Variants in GCNT4 observed in about 807,000 individuals in gnomAD.
GCNT4 encodes the protein beta-1,3-galactosyl-O-glycosyl-glycoprotein beta-1,6-N-acetylglucosaminyltransferase 4.
In GCNT4, 17 loss-of-function variants were observed where a neutral mutation model predicts 31.3. That is an observed-to-expected ratio of 0.54 (90% confidence interval 0.37 to 0.81). The LOEUF is 0.81. Among genes scored for constraint, GCNT4 ranks in the 40% least tolerant of loss-of-function variants. The pLI, the probability that GCNT4 is intolerant of heterozygous loss-of-function variation, is 0.00. For missense variants in GCNT4, 503 were observed against 525.5 expected (o/e 0.96, Z 0.42); for synonymous variants, 158 against 190.6 (o/e 0.83, Z 1.41).
At chr5:75,020,581 G>A (rs1383003273), downstream of GCNT4, among the ~76,000 whole-genome samples, 4 of 152,164 alleles carry the variant, frequency 2.6e-5, no homozygotes, top group South Asian at 2.1e-4. Flanking sequence ...ACAGCCCCCC[G>A]AGTGTTCTTT....
downstream of GCNT4, among the ~76,000 whole-genome samples, chr5:75,020,608 C>T (rs76884194): frequency 1.2e-3 from 189 of 152,154 alleles, 3 homozygotes; most frequent in East Asian, 0.03. Context: ...TTCGCCCATC[C>T]ACCCACTTGC....
At position 75,026,009 on chromosome 5, in the gene GCNT4, G is replaced by T. The variant is rs889114425; in HGVS notation, c.*2667C>A. 7 of 152,174 alleles carry T rather than the reference G, an allele frequency of 4.6e-5. No individual in the cohort carries two copies. The East Asian group carries it at 1.3e-3, about 29-fold the overall frequency. 9.4% of individuals were successfully genotyped at this position (152,174 alleles called of 1,614,324 possible). The stretch of plus-strand genomic sequence containing the variant: ...TTTTAGGGAAGAATCAGATATGAAG[G>T]CGTACAGGAAATCTGTAGGATTTCC... On this transcript the variant is annotated 3_prime_UTR_variant, in exon 4 of 4. Coordinates refer to ENST00000652361, the MANE Select transcript of GCNT4 (RefSeq NM_001366737.1).
At chr5:75,031,725 T>C (rs949834521) in intron 3 of GCNT4, among the ~76,000 whole-genome samples, 2 of 152,172 alleles carry the variant, frequency 1.3e-5, no homozygotes, top group African/African-American at 4.8e-5. Flanking sequence ...AAAATGATTA[T>C]ATTACTTTTT....
At chr5:75,023,861 T>G (rs909748634), downstream of GCNT4, 1 of 152,184 alleles carries the variant, frequency 6.6e-6, no homozygotes, top group Non-Finnish European at 1.5e-5. Flanking sequence ...TTCCCTGAGA[T>G]TCTTTTCTGG....
intron 3 of GCNT4, among the ~76,000 whole-genome samples, chr5:75,038,912 G>A (rs976547356): frequency 1.3e-5 from 2 of 152,196 alleles, no homozygotes; most frequent in East Asian, 1.9e-4. Flanking sequence ...GGTCCCTTAC[G>A]GTGGCATTTG....
chr5:75,018,564 C>A, the GCNT4 span, among the ~76,000 whole-genome samples: 1 of 152,186 alleles, frequency 6.6e-6, no homozygotes, highest in Non-Finnish European at 1.5e-5. Flanking sequence ...CGTGATCCCC[C>A]CCAAAGTGCT....
intron 3 of GCNT4, among the ~76,000 whole-genome samples, chr5:75,040,658 AC>A (rs1460432560): frequency 1.3e-5 from 2 of 152,232 alleles, no homozygotes; most frequent in Non-Finnish European, 2.9e-5. Flanking sequence ...GAAAAAGACA[AC>A]TTTGGTATGC....
rs78763504 is a variant in GCNT4, at chr5:75,044,888, G to A, written c.-2+3009C>T. Among the ~76,000 whole-genome samples the A allele has an allele frequency of 1.3e-3, 195 of 152,236 alleles. 3 individuals are homozygous for A. The East Asian group carries it at 0.031, about 24-fold the overall frequency. On this transcript the variant is annotated intron_variant, in intron 3 of 3. Coordinates refer to ENST00000652361, the MANE Select transcript of GCNT4 (RefSeq NM_001366737.1). ...GATTTTTTAAAAAAAGAATCATAGG[G>A]ATAATGGGGAGAGGGCAGAATGAAA...
chr5:75,045,990 A>T (rs566603725), intron 3 of GCNT4, among the ~76,000 whole-genome samples: 20 of 152,304 alleles, frequency 1.3e-4, no homozygotes, highest in Admixed American at 1.2e-3. Context: ...GTTCAATTCA[A>T]TGAATGATGT....
intron 3 of GCNT4, among the ~76,000 whole-genome samples, chr5:75,042,383 C>T (rs1337593003): frequency 2.0e-5 from 3 of 151,742 alleles, no homozygotes; most frequent in Non-Finnish European, 4.4e-5. Context: ...GCTTTTTTTT[C>T]CCCCTCAGAA....
At chr5:75,030,132 C>T in intron 3 of GCNT4, 94 bp from the exon 4 acceptor site, 1 of 1,109,734 alleles carries the variant, frequency 9.0e-7, no homozygotes, top group Non-Finnish European at 1.3e-6. Context: ...ACATACTAGG[C>T]AAATGCTGCC....
chr5:75,024,883 G>A (rs907831816), downstream of GCNT4, among the ~76,000 whole-genome samples: 34 of 150,338 alleles, frequency 2.3e-4, 1 homozygote, highest in South Asian at 1.7e-3. Flanking sequence ...CCCGGGAGGC[G>A]GAGGTTGCAG....
chr5:75,028,864 T>C lies in GCNT4; in HGVS notation c.1174A>G (p.Ile392Val), dbSNP rs202124194. ...CTGSHLRSVC[I>V]YGAAELRWLI... ...CACCTTAATTCTGCAGCTCCATAAA[T>C]ACACACGCTTCGAAGGTGAGATCCA... The change falls in exon 4 of 4, where the codon ATT becomes GTT. Residue 392 changes from isoleucine to valine, a missense_variant. Coordinates refer to ENST00000652361, the MANE Select transcript of GCNT4 (RefSeq NM_001366737.1). 1.4e-5 allele frequency: 22 copies of C among 1,614,048 alleles called. No individual in the cohort carries two copies. Among genetic ancestry groups the C allele is most frequent in the Admixed American group, 3.3e-5 (2 of 60,022 alleles).
At chr5:75,041,570 T>C (rs1743319590) in intron 3 of GCNT4, among the ~76,000 whole-genome samples, 1 of 152,210 alleles carries the variant, frequency 6.6e-6, no homozygotes. Flanking sequence ...CTCTCACATT[T>C]GGGCAGAAAT....
the GCNT4 span, among the ~76,000 whole-genome samples, chr5:75,016,980 A>G: frequency 1.1e-4 from 17 of 152,220 alleles, no homozygotes; most frequent in Admixed American, 1.1e-3. Context: ...TTATTATGAA[A>G]GAAGGAGAGA....
At chr5:75,036,194 T>C (rs921265371) in intron 3 of GCNT4, among the ~76,000 whole-genome samples, 31 of 151,924 alleles carry the variant, frequency 2.0e-4, no homozygotes, top group African/African-American at 7.5e-4. Context: ...CCCCCTGAAG[T>C]TCAAACCTGT....
rs910545157 is a variant in GCNT4 at position 75,033,037 on chromosome 5, C to T, written c.-1-2999G>A. The stretch of plus-strand genomic sequence containing the variant: ...TATTTCTTTTCTCACTGTATTAGTC[C>T]ATGGAGTCTCTAATTAATGTTAGCA... On this transcript the variant is annotated intron_variant, in intron 3 of 3. Coordinates refer to ENST00000652361, the MANE Select transcript of GCNT4 (RefSeq NM_001366737.1). Among the ~76,000 whole-genome samples, 5 of 152,112 alleles carry T rather than the reference C, an allele frequency of 3.3e-5. No homozygotes were observed. The East Asian group carries it at 7.7e-4, about 23-fold the overall frequency.
At chr5:75,017,700 G>C in the GCNT4 span, among the ~76,000 whole-genome samples, 1 of 152,110 alleles carries the variant, frequency 6.6e-6, no homozygotes, top group Non-Finnish European at 1.5e-5. Flanking sequence ...AAGACCCTCC[G>C]GAGCCAGGAC....
chr5:75,023,968 TC>T (rs1394910430), downstream of GCNT4: 15 of 152,346 alleles, frequency 9.8e-5, no homozygotes, highest in African/African-American at 3.6e-4. Flanking sequence ...TGAAGAGTCT[TC>T]CTGTGGCTTT....
Sources: allele counts gnomAD v4.1 joint callset (sites outside exome capture counted in the v4.1 genomes callset), GRCh38; gene constraint gnomAD v4.1.1; transcripts MANE v1.5; gene names NCBI Gene and HGNC (gene_info 2026-07-23, HGNC 2026-07-21).